CAMTA1: variants seen among roughly 807,000 people sequenced by gnomAD.
CAMTA1 encodes calmodulin-binding transcription activator 1.
In CAMTA1, 27 loss-of-function variants were observed where a neutral mutation model predicts 170.9. The observed-to-expected ratio is 0.16, with a 90% CI of 0.12 to 0.22. The LOEUF is 0.22. Ranked by LOEUF, CAMTA1 falls within the 10% of genes least tolerant of loss-of-function variation. The probability of loss-of-function intolerance (pLI) is 1.00; values close to 1 mark genes in which losing one functional copy is unlikely to be tolerated. For synonymous variants in CAMTA1, 833 were observed against 891.5 expected (o/e 0.93, Z 1.17); for missense variants, 1,619 against 2,217.2 (o/e 0.73, Z 5.42).
At chr1:6,791,508 T>A (rs1401182133) in intron 1 of CAMTA1, among the ~76,000 whole-genome samples, 2 of 152,260 alleles carry the variant, frequency 1.3e-5, no homozygotes, top group African/African-American at 4.8e-5. Context: ...AGCTTCTTTC[T>A]GTCTCTTTGG....
At chr1:6,848,168 G>T (rs1008499436) in intron 3 of CAMTA1, among the ~76,000 whole-genome samples, 9 of 149,768 alleles carry the variant, frequency 6.0e-5, no homozygotes, top group African/African-American at 1.7e-4. Flanking sequence ...AGATTTTTTT[G>T]TTGTTGTTTT....
intron 5 of CAMTA1, among the ~76,000 whole-genome samples, chr1:7,250,267 A>G (rs1443714961): frequency 6.6e-6 from 1 of 152,150 alleles, no homozygotes; most frequent in African/African-American, 2.4e-5. Flanking sequence ...CCATGGAGAA[A>G]TTCCCTTATT....
At chr1:6,800,330 C>T (rs567283234) in intron 1 of CAMTA1, among the ~76,000 whole-genome samples, 1 of 152,122 alleles carries the variant, frequency 6.6e-6, no homozygotes, top group East Asian at 1.9e-4. Flanking sequence ...TTACTTGAGC[C>T]CTTGAGGTCA....
intron 3 of CAMTA1, among the ~76,000 whole-genome samples, chr1:6,860,000 T>C (rs1400884830): frequency 6.6e-6 from 1 of 152,254 alleles, no homozygotes; most frequent in Non-Finnish European, 1.5e-5. Context: ...TGACCATTTA[T>C]GCTATTTTTT....
At chr1:6,969,671 A>G (rs1266550893) in intron 3 of CAMTA1, among the ~76,000 whole-genome samples, 1 of 152,158 alleles carries the variant, frequency 6.6e-6, no homozygotes, top group Non-Finnish European at 1.5e-5. Context: ...GTCTTCCCAT[A>G]TTTACAAAAT....
chr1:7,297,213 G>A (rs181827577), intron 5 of CAMTA1, among the ~76,000 whole-genome samples: 129 of 152,348 alleles, frequency 8.5e-4, no homozygotes, highest in Admixed American at 2.0e-3. Flanking sequence ...GAAGATATGT[G>A]GTAGGGGAGT....
intron 3 of CAMTA1, among the ~76,000 whole-genome samples, chr1:6,837,007 G>A (rs541860904): frequency 1.3e-5 from 2 of 149,832 alleles, no homozygotes; most frequent in African/African-American, 4.9e-5. Context: ...GCGCAATCTC[G>A]GCTCACTGCA....
At chr1:7,327,483 G>C (rs2082761182) in intron 5 of CAMTA1, among the ~76,000 whole-genome samples, 1 of 152,026 alleles carries the variant, frequency 6.6e-6, no homozygotes, top group Non-Finnish European at 1.5e-5. Context: ...TCTGTTTTTA[G>C]GGATAACTGC....
chr1:7,664,550 C>T lies in CAMTA1; in HGVS notation c.2003C>T (p.Ser668Phe). The change falls in exon 9 of 23, where the codon TCC becomes TTC. Residue 668 changes from serine (S) to phenylalanine (F), a missense_variant. By Grantham distance (155) the Ser-to-Phe change is radical. Around this residue, in one of 8 missense-constraint regions of CAMTA1, gnomAD observed 731 missense variants for 907.6 expected, o/e 0.81. Coordinates refer to ENST00000303635, the MANE Select transcript of CAMTA1 (RefSeq NM_015215.4). ...GGTCACGTGGAGACGCGGATCGAGT[C>T]CACTTCCTCCCTCCACCTCATGCAG... Reference protein sequence around the residue: ...CSGHVETRIESTSSLHLMQFQ... With the variant: ...CSGHVETRIEFTSSLHLMQFQ... 6.2e-7 allele frequency: 1 copy of T among 1,613,214 alleles called. No individual in the cohort carries two copies. The highest frequency in any genetic ancestry group is 8.5e-7 in the Non-Finnish European group (1 of 1,180,042).
In CAMTA1 at chr1:7,588,572, C is replaced by T. The variant is rs2095330193; in HGVS notation, c.511-51828C>T. Among the ~76,000 whole-genome samples the T allele has an allele frequency of 6.6e-6, 1 of 152,234 alleles. No individual in the cohort carries two copies. The highest frequency in any genetic ancestry group is 1.5e-5 in the Non-Finnish European group (1 of 68,052). On this transcript the variant is annotated intron_variant, in intron 6 of 22. Coordinates refer to ENST00000303635, the MANE Select transcript of CAMTA1 (RefSeq NM_015215.4). The surrounding 1 kb of genome is among the most constrained non-coding windows in gnomAD (Gnocchi z 5.8). ...GGTCTTGCAGACTCCAGACCTTGGA[C>T]TCTCGGGTCCCATGCAGCTCCAGGC...
intron 4 of CAMTA1, among the ~76,000 whole-genome samples, chr1:7,106,452 C>T (rs982634966): frequency 3.3e-5 from 5 of 152,096 alleles, no homozygotes; most frequent in Admixed American, 3.3e-4. Context: ...CCTCCACTCA[C>T]GGATGAGGAA....
intron 3 of CAMTA1, among the ~76,000 whole-genome samples, chr1:7,000,190 C>T (rs1007888876): frequency 2.0e-5 from 3 of 152,226 alleles, no homozygotes; most frequent in Non-Finnish European, 4.4e-5. Flanking sequence ...CGAAAGCTGG[C>T]TTCCTTGCAG....
chr1:7,357,247 T>G (rs925520613), intron 5 of CAMTA1, among the ~76,000 whole-genome samples: 77 of 152,344 alleles, frequency 5.1e-4, no homozygotes, highest in African/African-American at 1.8e-3. Context: ...ATTCATGTCT[T>G]CCTCCCTGAA....
At chr1:7,288,066 C>T (rs1000287898) in intron 5 of CAMTA1, among the ~76,000 whole-genome samples, 1 of 152,118 alleles carries the variant, frequency 6.6e-6, no homozygotes, top group African/African-American at 2.4e-5. Context: ...TCTAGAGAAC[C>T]CCATGGACCA....
chr1:7,164,675 A>C (rs994517783), intron 4 of CAMTA1, among the ~76,000 whole-genome samples: 6 of 152,232 alleles, frequency 3.9e-5, no homozygotes, highest in African/African-American at 1.4e-4. Context: ...ACAGAAATGG[A>C]CAGATCATTT....
chr1:7,065,623 A>C lies in CAMTA1; in HGVS notation c.235-25681A>C, dbSNP rs925247888. On this transcript the variant is annotated intron_variant, in intron 3 of 22. Transcript: ENST00000303635. This position sits in a 1 kb window ranked among gnomAD's most constrained non-coding sequence, Gnocchi z 5.2. ...AGGTGGGGGTGCTTATTTCATGGCC[A>C]TAGGAGGGAAGAGAGAGGAGACAGC... Among the ~76,000 whole-genome samples, 6 of 144,620 alleles carry C rather than the reference A, an allele frequency of 4.1e-5. No individual in the cohort carries two copies. The highest frequency in any genetic ancestry group is 1.6e-4 in the African/African-American group (6 of 37,462). The allele number at this position is 144,620 out of a possible 152,430, so 94.9% of individuals were successfully genotyped here.
At chr1:7,212,516 C>G (rs763320208) in intron 4 of CAMTA1, among the ~76,000 whole-genome samples, 1 of 152,170 alleles carries the variant, frequency 6.6e-6, no homozygotes, top group East Asian at 1.9e-4. Context: ...CTCCTTTGCA[C>G]ATTGCATTTT....
chr1:7,495,891 G>C (rs2093818933), intron 6 of CAMTA1, among the ~76,000 whole-genome samples: 1 of 152,228 alleles, frequency 6.6e-6, no homozygotes, highest in South Asian at 2.1e-4. Flanking sequence ...GCGAGTCCTG[G>C]GAGGTGACGG....
At chr1:7,221,142 C>T (rs919618683) in intron 4 of CAMTA1, among the ~76,000 whole-genome samples, 6 of 152,160 alleles carry the variant, frequency 3.9e-5, no homozygotes, top group South Asian at 4.1e-4. Context: ...CAGGAAGGGC[C>T]GGGTTCTATG....
Sources: allele counts gnomAD v4.1 joint callset (sites outside exome capture counted in the v4.1 genomes callset), GRCh38; gene constraint gnomAD v4.1.1; regional missense constraint gnomAD v4.1.1; non-coding constraint Gnocchi (gnomAD v3.1); transcripts MANE v1.5; gene names NCBI Gene and HGNC (gene_info 2026-07-23, HGNC 2026-07-21).